ZFHX3: variants seen among roughly 807,000 people sequenced by gnomAD.
ZFHX3 encodes the protein zinc finger homeobox 3, also known as zinc finger homeobox protein 3.
ZFHX3 carries 42 observed loss-of-function variants against 279.1 expected under a neutral mutation model. That is an observed-to-expected ratio of 0.15 (90% confidence interval 0.12 to 0.19). ZFHX3 has a LOEUF of 0.19. ZFHX3 is among the 10% of genes least tolerant of loss of function. The probability of loss-of-function intolerance (pLI) is 1.00; values close to 1 mark genes in which losing one functional copy is unlikely to be tolerated. For synonymous variants in ZFHX3, 2,293 were observed against 1,957.8 expected, an observed-to-expected ratio of 1.17 and a Z score of -4.52; for missense variants, 4,981 against 4,754.0, an observed-to-expected ratio of 1.05 and a Z score of -1.40.
intron 4 of ZFHX3, among the ~76,000 whole-genome samples, chr16:73,265,433 C>G (rs547953411): frequency 6.6e-6 from 1 of 152,094 alleles, no homozygotes; most frequent in Non-Finnish European, 1.5e-5. Context: ...GGATACAGTT[C>G]TCAGAATTCC....
intron 5 of ZFHX3, among the ~76,000 whole-genome samples, chr16:73,214,022 A>C (rs2012110719): frequency 6.6e-6 from 1 of 152,218 alleles, no homozygotes; most frequent in Non-Finnish European, 1.5e-5. Context: ...GATACACCTC[A>C]TTAAACATAT....
At chr16:73,854,241 A>G (rs900320445) in intron 1 of ZFHX3, among the ~76,000 whole-genome samples, 1 of 152,186 alleles carries the variant, frequency 6.6e-6, no homozygotes, top group African/African-American at 2.4e-5. Context: ...AATAGTACAC[A>G]TCGGCTGGGC....
chr16:73,632,654 C>G (rs963631270), intron 2 of ZFHX3, among the ~76,000 whole-genome samples: 8 of 150,100 alleles, frequency 5.3e-5, no homozygotes, highest in Non-Finnish European at 1.2e-4. Context: ...CCACTGCACT[C>G]CAGCCTGGCA....
At chr16:72,945,049 G>C (rs1256875310) in intron 3 of ZFHX3, among the ~76,000 whole-genome samples, 1 of 152,002 alleles carries the variant, frequency 6.6e-6, no homozygotes, top group Non-Finnish European at 1.5e-5. Context: ...TGATCTTCTT[G>C]ACATGAGGGT....
At chr16:73,816,973 T>C (rs146363970) in intron 1 of ZFHX3, among the ~76,000 whole-genome samples, 65 of 152,238 alleles carry the variant, frequency 4.3e-4, no homozygotes, top group African/African-American at 1.5e-3. Context: ...GCATGAGACA[T>C]TGAAGGTCCC....
chr16:72,974,283 G>A (rs891899533), intron 1 of ZFHX3, among the ~76,000 whole-genome samples: 1 of 152,204 alleles, frequency 6.6e-6, no homozygotes, highest in Non-Finnish European at 1.5e-5. Context: ...ACCATTCAAC[G>A]TTGCTGGACA....
chr16:72,974,399 C>T (rs1857619385), intron 1 of ZFHX3, among the ~76,000 whole-genome samples: 1 of 152,198 alleles, frequency 6.6e-6, no homozygotes, highest in African/African-American at 2.4e-5. Flanking sequence ...AAGTTTCCCA[C>T]AGCAGTTATC....
chr16:73,139,813 T>C (rs1186856494), intron 6 of ZFHX3, among the ~76,000 whole-genome samples: 1 of 152,236 alleles, frequency 6.6e-6, no homozygotes, highest in Admixed American at 6.5e-5. Context: ...ATCATCTTTG[T>C]AAGGCAGAGG....
chr16:72,888,193 C>A (rs1449041595), intron 4 of ZFHX3, among the ~76,000 whole-genome samples: 2 of 152,072 alleles, frequency 1.3e-5, no homozygotes, highest in Non-Finnish European at 2.9e-5. Flanking sequence ...TAACTTTTTG[C>A]CTTTAAAAAA....
intron 4 of ZFHX3, among the ~76,000 whole-genome samples, chr16:73,300,963 G>A (rs1307654394): frequency 6.6e-6 from 1 of 152,222 alleles, no homozygotes; most frequent in Non-Finnish European, 1.5e-5. Flanking sequence ...CTGCATTGCT[G>A]TGGGCTGTGT....
At chr16:72,944,262 G>A (rs548156408) in intron 3 of ZFHX3, among the ~76,000 whole-genome samples, 24 of 152,308 alleles carry the variant, frequency 1.6e-4, no homozygotes, top group Non-Finnish European at 3.2e-4. Flanking sequence ...TCCCATGTGA[G>A]CGACAGAGTG....
At chr16:73,201,863 T>C (rs2011622927) in intron 5 of ZFHX3, among the ~76,000 whole-genome samples, 3 of 152,234 alleles carry the variant, frequency 2.0e-5, no homozygotes, top group African/African-American at 7.2e-5. Context: ...TTTACTGGAC[T>C]AAACTTATTA....
intron 5 of ZFHX3, among the ~76,000 whole-genome samples, chr16:73,156,872 C>T (rs1285220993): frequency 6.6e-6 from 1 of 152,120 alleles, no homozygotes. Flanking sequence ...TGCCGCCACG[C>T]CCAGCTAATT....
intron 1 of ZFHX3, among the ~76,000 whole-genome samples, chr16:73,888,922 C>A (rs1416031956): frequency 7.8e-6 from 1 of 127,822 alleles, no homozygotes; most frequent in African/African-American, 2.9e-5. Flanking sequence ...ATCCTGTAAA[C>A]CTCTGCTGTC....
At chr16:73,492,967 T>C (rs936061548) in intron 2 of ZFHX3, among the ~76,000 whole-genome samples, 2 of 152,170 alleles carry the variant, frequency 1.3e-5, no homozygotes, top group African/African-American at 4.8e-5. Context: ...ATCAAGTGAA[T>C]AATAAAGTAT....
chr16:73,335,211 G>A (rs983343596), intron 3 of ZFHX3, among the ~76,000 whole-genome samples: 2 of 152,062 alleles, frequency 1.3e-5, no homozygotes, highest in East Asian at 1.9e-4. Flanking sequence ...CAAGTGTTAC[G>A]TGCTAGGCCC....
At chr16:73,291,914 T>C (rs992502700) in intron 4 of ZFHX3, among the ~76,000 whole-genome samples, 1 of 152,188 alleles carries the variant, frequency 6.6e-6, no homozygotes, top group African/African-American at 2.4e-5. Context: ...CATCTCACTT[T>C]TGTCTTTGTT....
At chr16:73,815,998 CT>C (rs1276733400) in intron 1 of ZFHX3, 2 of 151,926 alleles carry the variant, frequency 1.3e-5, no homozygotes, top group African/African-American at 2.4e-5. Flanking sequence ...ACCCTCACTA[CT>C]TTGTGGGCTC....
At chr16:73,864,717 C>CTCAA (rs147329799) in intron 1 of ZFHX3, among the ~76,000 whole-genome samples, 5,367 of 152,090 alleles carry the variant, frequency 0.035, 306 homozygotes, top group African/African-American at 0.12. Context: ...AAGACTCTGT[C>CTCAA]TCAATCAATC....
Sources: allele counts gnomAD v4.1 joint callset (sites outside exome capture counted in the v4.1 genomes callset), GRCh38; gene constraint gnomAD v4.1.1; transcripts MANE v1.5; gene names NCBI Gene and HGNC (gene_info 2026-07-23, HGNC 2026-07-21).